CUEDC1: variants seen among roughly 807,000 people sequenced by gnomAD.
The protein encoded by CUEDC1 is CUE domain containing 1, also known as CUE domain-containing protein 1.
Under a neutral mutation model 43.7 loss-of-function variants are expected in CUEDC1, and 30 were observed. The ratio of observed to expected loss-of-function variants is 0.69; its 90% CI spans 0.51 to 0.93. The LOEUF (loss-of-function observed/expected upper bound fraction) is 0.93, where lower values mean the gene tolerates loss of function less well. CUEDC1 is among the 40% of genes least tolerant of loss of function. CUEDC1 has a pLI of 0.00. For missense variants in CUEDC1, 486 were observed against 549.0 expected (o/e 0.89, Z 1.15); for synonymous variants, 223 against 223.6 (o/e 1.00, Z 0.02).
chr17:57,915,894 G>T (rs2074634781), intron 1 of CUEDC1, among the ~76,000 whole-genome samples: 1 of 152,162 alleles, frequency 6.6e-6, no homozygotes, highest in Admixed American at 6.5e-5. Context: ...CAAGCTGAAG[G>T]TTTCATTTCC....
intron 1 of CUEDC1, among the ~76,000 whole-genome samples, chr17:57,939,515 A>G (rs925480085): frequency 6.6e-6 from 1 of 150,856 alleles, no homozygotes; most frequent in Non-Finnish European, 1.5e-5. Flanking sequence ...CCTGACCTCA[A>G]GTGATCCTCC....
chr17:57,873,891 C>T (rs2074072896), intron 3 of CUEDC1, among the ~76,000 whole-genome samples, 174 bp from the exon 4 acceptor site: 1 of 152,222 alleles, frequency 6.6e-6, no homozygotes, highest in African/African-American at 2.4e-5. Flanking sequence ...GATGTCTCCA[C>T]CAGCCTCAGC....
intron 8 of CUEDC1, among the ~76,000 whole-genome samples, chr17:57,867,877 G>A (rs2073982682): frequency 6.6e-6 from 1 of 152,020 alleles, no homozygotes; most frequent in South Asian, 2.1e-4. Flanking sequence ...CATAACCTCA[G>A]ACCAAAAAAA....
rs1209714585 is a variant in CUEDC1 at position 57,906,507 on chromosome 17, G to C, written c.-315-20628C>G. On this transcript the variant is annotated intron_variant, in intron 1 of 10. Transcript: ENST00000577830. ...TTAATGGGCATAGAGTTTCTGTTTG[G>C]GATGATAAACAAGTTCTGGAAATGG... 2.0e-5 allele frequency among the ~76,000 whole-genome samples: 3 copies of C among 152,192 alleles called. No individual in the cohort carries two copies. The East Asian group carries it at 5.8e-4, about 29-fold the overall frequency.
In CUEDC1 at chr17:57,873,711, G is replaced by A. The variant is rs147225710; in HGVS notation, c.471C>T (p.Asp157=). The A allele has an allele frequency of 2.5e-4, 394 of 1,582,566 alleles. 2 individuals carry two copies. The African/African-American group carries it at 4.4e-3, about 18-fold the overall frequency. The change falls in exon 4 of 11, where the codon GAC becomes GAT. Residue 157 remains aspartate, a synonymous_variant. Transcript: ENST00000577830. ...TTGTAGGGGCTCCAGAGCCCAGCGCGTCGATACTAGGGGATGGCAGGTGAC... is the reference window on the plus strand; with the variant it reads ...TTGTAGGGGCTCCAGAGCCCAGCGCATCGATACTAGGGGATGGCAGGTGAC... ...LAPPTPPPRI[D]ALGSGAPTSQ...
At chr17:57,914,858 A>G (rs2074621742) in intron 1 of CUEDC1, among the ~76,000 whole-genome samples, 1 of 152,252 alleles carries the variant, frequency 6.6e-6, no homozygotes, top group Admixed American at 6.5e-5. Flanking sequence ...TCTGAGTGGC[A>G]TTAAAGTAGG....
At position 57,923,872 on chromosome 17, in the gene CUEDC1, A is replaced by G. The variant is rs2074719860; in HGVS notation, c.-316+31353T>C. Among the ~76,000 whole-genome samples, 7 of 152,324 alleles carry G rather than the reference A, an allele frequency of 4.6e-5. No homozygotes were observed. In the South Asian group the frequency reaches 1.5e-3, roughly 32 times the overall value. ...TCAACTTTGCAAGGCGGGCATCATC[A>G]TCTTTATTGTACACATGAGGAAACA... On this transcript the variant is annotated intron_variant, in intron 1 of 10. Coordinates refer to ENST00000577830, the MANE Select transcript of CUEDC1 (RefSeq NM_001271875.2).
At chr17:57,874,439 C>A (rs1177847285) in intron 3 of CUEDC1, among the ~76,000 whole-genome samples, 1 of 152,194 alleles carries the variant, frequency 6.6e-6, no homozygotes, top group Admixed American at 6.5e-5. Context: ...TGCTCTGGGG[C>A]CGCTCTTTCC....
intron 3 of CUEDC1, among the ~76,000 whole-genome samples, chr17:57,877,361 C>A (rs8080639): frequency 6.6e-6 from 1 of 151,856 alleles, no homozygotes; most frequent in Non-Finnish European, 1.5e-5. Context: ...CCAAGCGTGA[C>A]GGTATGCCCT....
intron 1 of CUEDC1, among the ~76,000 whole-genome samples, chr17:57,910,065 T>C (rs2074567660): frequency 6.6e-6 from 1 of 152,210 alleles, no homozygotes; most frequent in Admixed American, 6.5e-5. Flanking sequence ...CATAGCTCAC[T>C]GCAGCCTCAA....
chr17:57,880,197 G>A (rs986226319), intron 2 of CUEDC1, among the ~76,000 whole-genome samples: 1 of 152,192 alleles, frequency 6.6e-6, no homozygotes, highest in African/African-American at 2.4e-5. Flanking sequence ...CTGCATGCGT[G>A]TGACTCATGT....
At chr17:57,878,647 A>ATTATTTATTTATTTAT (rs10528320) in intron 3 of CUEDC1, among the ~76,000 whole-genome samples, 11 of 147,402 alleles carry the variant, frequency 7.5e-5, no homozygotes, top group African/African-American at 1.3e-4. Context: ...AACTACCTTG[A>ATTATTTATTTATTTAT]TTATTTATTT....
At chr17:57,897,045 A>G (rs2074418621) in intron 1 of CUEDC1, among the ~76,000 whole-genome samples, 1 of 152,080 alleles carries the variant, frequency 6.6e-6, no homozygotes, top group Non-Finnish European at 1.5e-5. Flanking sequence ...TGCTGGGATT[A>G]CAGGCATGAG....
chr17:57,903,684 A>G (rs1487908558), intron 1 of CUEDC1, among the ~76,000 whole-genome samples: 2 of 151,904 alleles, frequency 1.3e-5, no homozygotes, highest in East Asian at 3.9e-4. Context: ...AACCTATATA[A>G]TCCCAGTGCT....
At chr17:57,890,982 G>T (rs1324214846) in intron 1 of CUEDC1, among the ~76,000 whole-genome samples, 1 of 152,198 alleles carries the variant, frequency 6.6e-6, no homozygotes, top group African/African-American at 2.4e-5. Flanking sequence ...GGTACCTGGC[G>T]TATAATAAGC....
chr17:57,941,199 A>G (rs556036343), intron 1 of CUEDC1, among the ~76,000 whole-genome samples: 2 of 152,330 alleles, frequency 1.3e-5, no homozygotes, highest in South Asian at 2.1e-4. Context: ...TGCAGCCGAA[A>G]TGTCTCCTCT....
chr17:57,916,525 C>T (rs1321532018), intron 1 of CUEDC1, among the ~76,000 whole-genome samples: 1 of 152,218 alleles, frequency 6.6e-6, no homozygotes, highest in Non-Finnish European at 1.5e-5. Flanking sequence ...AGCAAAGGAA[C>T]AAAACAGGGA....
chr17:57,867,314 G>T lies in CUEDC1; in HGVS notation c.1093+43C>A, dbSNP rs771324299. ...CCAGGAACTCCGCTGGGAGATCACC[G>T]ATCATAGAGAAGTTGGAGCTTACGA... On this transcript the variant is annotated intron_variant, in intron 9 of 10. Transcript: ENST00000577830. The T allele has an allele frequency of 2.2e-5, 33 of 1,532,902 alleles. 1 individual carries two copies. The highest frequency in any genetic ancestry group is 2.9e-5 in the Non-Finnish European group (33 of 1,129,924). 95.0% of individuals were successfully genotyped at this position (1,532,902 alleles called of 1,614,324 possible). A position where few individuals can be genotyped will look rare whatever the true frequency, so the allele number is the denominator to read the frequency against.
At chr17:57,871,186 G>A (rs537138673) in intron 6 of CUEDC1, 100 bp downstream of exon 6, 2 of 988,408 alleles carry the variant, frequency 2.0e-6, no homozygotes, top group Admixed American at 3.5e-5. Context: ...CCCACAATCT[G>A]TTTTTTCACC....
Sources: allele counts gnomAD v4.1 joint callset (sites outside exome capture counted in the v4.1 genomes callset), GRCh38; gene constraint gnomAD v4.1.1; transcripts MANE v1.5; gene names NCBI Gene and HGNC (gene_info 2026-07-23, HGNC 2026-07-21).